The following AGFG1 variants were observed in gnomAD, a reference collection of about 807,000 sequenced individuals.
The protein encoded by AGFG1 is arf-GAP domain and FG repeat-containing protein 1.
A neutral mutation model predicts 60.6 loss-of-function variants in AGFG1; 10 were observed. The observed-to-expected ratio is 0.16, with a 90% CI of 0.10 to 0.28. AGFG1 has a LOEUF of 0.28. Ranked by LOEUF, AGFG1 falls within the 10% of genes least tolerant of loss-of-function variation. The pLI, the probability that AGFG1 is intolerant of heterozygous loss-of-function variation, is 1.00. For synonymous variants in AGFG1, 247 were observed against 242.9 expected, an observed-to-expected ratio of 1.02 and a Z score of -0.16; for missense variants, 537 against 676.5, an observed-to-expected ratio of 0.79 and a Z score of 2.29.
intron 1 of AGFG1, among the ~76,000 whole-genome samples, chr2:227,489,040 C>G (rs528173723): frequency 6.6e-6 from 1 of 151,332 alleles, no homozygotes; most frequent in Non-Finnish European, 1.5e-5. Context: ...ATCTCGAACT[C>G]CTGACCTCAA....
At chr2:227,548,897 A>G (rs1341473562) in intron 10 of AGFG1, among the ~76,000 whole-genome samples, 1 of 152,180 alleles carries the variant, frequency 6.6e-6, no homozygotes, top group Non-Finnish European at 1.5e-5. Flanking sequence ...AGATCACACC[A>G]CTGCACTCCA....
At position 227,557,098 on chromosome 2, in the gene AGFG1, T is replaced by A. The variant is rs1217287050; in HGVS notation, c.*2603T>A. 6.6e-6 allele frequency: 1 copy of A among 152,142 alleles called. No individual in the cohort carries two copies. Among genetic ancestry groups the A allele is most frequent in the Non-Finnish European group, 1.5e-5 (1 of 68,026 alleles). 9.4% of individuals were successfully genotyped at this position (152,142 alleles called of 1,614,324 possible). ...GTTGAGTACTAAAAAGGAGAAAAAA[T>A]CCTGGAAGGTAACAAGGCTGAAGAC... On this transcript the variant is annotated 3_prime_UTR_variant, in exon 13 of 13. Coordinates refer to ENST00000310078, the MANE Select transcript of AGFG1 (RefSeq NM_004504.5).
chr2:227,523,812 A>C lies in AGFG1; in HGVS notation c.427A>C (p.Ile143Leu). Residue 143 changes from isoleucine (I) to leucine (L), a missense_variant, in exon 4 of 13, where the codon ATT becomes CTT. By Grantham distance (5) the Ile-to-Leu change is conservative (BLOSUM62 2). Coordinates refer to ENST00000310078, the MANE Select transcript of AGFG1 (RefSeq NM_004504.5). ...AGTCGTGGCATCAGTTCATGCATCTATTTCAGGGTCCTCTGCCAGTAGCAC... is the reference window on the plus strand; with the variant it reads ...AGTCGTGGCATCAGTTCATGCATCTCTTTCAGGGTCCTCTGCCAGTAGCAC... ...AKVVASVHAS[I>L]SGSSASSTSS... 6.2e-7 allele frequency: 1 copy of C among 1,613,902 alleles called. No individual in the cohort carries two copies. Among genetic ancestry groups the C allele is most frequent in the Non-Finnish European group, 8.5e-7 (1 of 1,179,954 alleles).
At chr2:227,540,641 T>C (rs11677609) in intron 10 of AGFG1, among the ~76,000 whole-genome samples, 2 of 152,192 alleles carry the variant, frequency 1.3e-5, no homozygotes, top group African/African-American at 4.8e-5. Context: ...TCGTGAATAG[T>C]GCCGCAGTAA....
At chr2:227,499,241 ACTTTT>A (rs568182127) in intron 2 of AGFG1, among the ~76,000 whole-genome samples, 5 of 152,048 alleles carry the variant, frequency 3.3e-5, no homozygotes, top group Non-Finnish European at 7.4e-5. Context: ...TCAGTATCTT[ACTTTT>A]CTTTTTTTTT....
At chr2:227,482,207 T>C (rs1427089637) in intron 1 of AGFG1, among the ~76,000 whole-genome samples, 1 of 152,190 alleles carries the variant, frequency 6.6e-6, no homozygotes, top group Non-Finnish European at 1.5e-5. Flanking sequence ...TAGGTTTAAG[T>C]CATAACTTGA....
chr2:227,541,626 G>A (rs780030051), intron 10 of AGFG1, among the ~76,000 whole-genome samples: 2 of 152,168 alleles, frequency 1.3e-5, no homozygotes, highest in Non-Finnish European at 2.9e-5. Flanking sequence ...AAGTCAGGTA[G>A]CGTGATGTCT....
Position 227,472,377 on chromosome 2 carries a change from GC to G in AGFG1, c.-42del. The G allele has an allele frequency of 7.9e-7, 1 of 1,260,004 alleles. No homozygotes were observed. Among genetic ancestry groups the G allele is most frequent in the Non-Finnish European group, 1.0e-6 (1 of 982,342 alleles). 78.1% of individuals were successfully genotyped at this position (1,260,004 alleles called of 1,614,324 possible). On this transcript the variant is annotated 5_prime_UTR_variant, in exon 1 of 13. Coordinates refer to ENST00000310078, the MANE Select transcript of AGFG1 (RefSeq NM_004504.5). ...GACCGCGGGCCCCCGGCGCAGCGCT[GC>G]CCGGCTCCCGGCCCTGCCGGCCTCC...
intron 2 of AGFG1, among the ~76,000 whole-genome samples, chr2:227,493,871 T>A (rs1325858497): frequency 6.6e-6 from 1 of 152,008 alleles, no homozygotes; most frequent in Non-Finnish European, 1.5e-5. Context: ...AGTATTTTGG[T>A]GGAAAGGAGA....
chr2:227,532,281 G>A (rs2106219304), intron 6 of AGFG1: 1 of 1,100,752 alleles, frequency 9.1e-7, no homozygotes, highest in African/African-American at 1.6e-5. Context: ...GGTTTTTCCA[G>A]TTATAGATTG....
intron 2 of AGFG1, among the ~76,000 whole-genome samples, chr2:227,493,752 A>G (rs1284733278): frequency 1.3e-5 from 2 of 152,222 alleles, no homozygotes; most frequent in East Asian, 1.9e-4. Flanking sequence ...TTAGTGGACA[A>G]AGGGCTCACA....
chr2:227,474,262 A>T (rs916445201), intron 1 of AGFG1, among the ~76,000 whole-genome samples: 1 of 152,248 alleles, frequency 6.6e-6, no homozygotes, highest in Non-Finnish European at 1.5e-5. Flanking sequence ...TTTTTATTAC[A>T]TGGTTAAGAT....
Position 227,534,843 on chromosome 2 carries a change from AGGT to A in AGFG1, c.1028_1030del (p.Gly343del). ...GTGTAACTTGATTTTGTTCGTTCCC[AGGT>A]GGTGATCAGGGAAGTGGCTTTGGGA... is the stretch of plus-strand genomic sequence containing the variant. On this transcript the variant is annotated splice_acceptor_variant and coding_sequence_variant, in exon 8 of 13. Coordinates refer to ENST00000310078, the MANE Select transcript of AGFG1 (RefSeq NM_004504.5). LOFTEE classifies it high-confidence loss of function. 1.9e-6 allele frequency: 3 copies of A among 1,611,712 alleles called. No homozygotes were observed. Among genetic ancestry groups the A allele is most frequent in the Non-Finnish European group, 2.5e-6 (3 of 1,178,868 alleles).
chr2:227,515,202 T>C (rs916368231), intron 2 of AGFG1, among the ~76,000 whole-genome samples: 1 of 152,012 alleles, frequency 6.6e-6, no homozygotes, highest in African/African-American at 2.4e-5. Context: ...ATTACAGGAG[T>C]GAGCCATCGT....
chr2:227,480,876 A>G (rs1559165139), intron 1 of AGFG1, among the ~76,000 whole-genome samples: 1 of 152,220 alleles, frequency 6.6e-6, no homozygotes, highest in Admixed American at 6.5e-5. Flanking sequence ...TACATTCACA[A>G]AGGTGAAAAT....
At chr2:227,490,719 T>C (rs893875921) in intron 1 of AGFG1, among the ~76,000 whole-genome samples, 1 of 152,212 alleles carries the variant, frequency 6.6e-6, no homozygotes. Flanking sequence ...TATTGGGCCA[T>C]TATTCTTGTG....
intron 10 of AGFG1, among the ~76,000 whole-genome samples, chr2:227,545,620 T>A (rs187793700): frequency 7.2e-5 from 11 of 152,354 alleles, no homozygotes; most frequent in East Asian, 5.8e-4. Context: ...TGGTCTTTGA[T>A]GATGGTGACC....
chr2:227,523,891 C>T lies in AGFG1; in HGVS notation c.506C>T (p.Pro169Leu), dbSNP rs1356934211. 3 of 1,613,740 alleles carry T rather than the reference C, an allele frequency of 1.9e-6. No individual in the cohort carries two copies. The highest frequency in any genetic ancestry group is 1.7e-6 in the Non-Finnish European group (2 of 1,179,862). Reference sequence around the variant, plus strand: ...AAATCTCTTTTAGGGGATTCTGCACCAACACTGCACTTAAATAAGGGCACA... The same window carrying T: ...AAATCTCTTTTAGGGGATTCTGCACTAACACTGCACTTAAATAAGGGCACA... ...PLKSLLGDSA[P>L]TLHLNKGTPS... The change falls in exon 4 of 13, where the codon CCA (proline) becomes CTA (leucine). Residue 169 changes from proline to leucine, a missense_variant. Coordinates refer to ENST00000310078, the MANE Select transcript of AGFG1 (RefSeq NM_004504.5).
chr2:227,485,251 T>C (rs1575064407), intron 1 of AGFG1, among the ~76,000 whole-genome samples: 2 of 149,456 alleles, frequency 1.3e-5, no homozygotes, highest in South Asian at 4.2e-4. Flanking sequence ...TTCTTTTTTT[T>C]TTTTTTTTTT....
Sources: gnomAD v4.1 joint callset for allele counts (sites outside exome capture counted in the v4.1 genomes callset) on GRCh38, gnomAD v4.1.1 for gene constraint, MANE v1.5 for transcripts, NCBI Gene and HGNC (gene_info 2026-07-23, HGNC 2026-07-21) for gene names.